Variants in PIKFYVE observed in about 807,000 individuals in gnomAD.
PIKFYVE encodes phosphoinositide kinase, FYVE-type zinc finger containing.
Under a neutral mutation model 257.9 loss-of-function variants are expected in PIKFYVE, and 122 were observed. The observed-to-expected ratio is 0.47, with a 90% CI of 0.41 to 0.55. PIKFYVE has a LOEUF of 0.55. PIKFYVE is among the 20% of genes least tolerant of loss of function. PIKFYVE has a pLI of 0.00. For synonymous variants in PIKFYVE, 892 were observed against 868.9 expected, an observed-to-expected ratio of 1.03 and a Z score of -0.47; for missense variants, 2,160 against 2,536.6, an observed-to-expected ratio of 0.85 and a Z score of 3.19.
At chr2:208,268,772 CCTTCCT>C (rs1229827794) in intron 1 of PIKFYVE, among the ~76,000 whole-genome samples, 3 of 151,744 alleles carry the variant, frequency 2.0e-5, no homozygotes, top group Non-Finnish European at 2.9e-5. Flanking sequence ...CTTTCCTTCC[CCTTCCT>C]CTTCCTCTTT....
intron 10 of PIKFYVE, 101 bp from the exon 11 acceptor site, chr2:208,304,070 G>T: frequency 7.3e-7 from 1 of 1,369,582 alleles, no homozygotes; most frequent in South Asian, 1.2e-5. Context: ...TCAATTGTTA[G>T]GTTCATAGAA....
chr2:208,272,141 A>C (rs1049495117), intron 2 of PIKFYVE, among the ~76,000 whole-genome samples: 5 of 152,078 alleles, frequency 3.3e-5, no homozygotes, highest in African/African-American at 9.7e-5. Context: ...AGGCTGAGGC[A>C]GGAGAATGGC....
chr2:208,349,697 T>G (rs1699590145), intron 35 of PIKFYVE, among the ~76,000 whole-genome samples: 1 of 151,962 alleles, frequency 6.6e-6, no homozygotes, highest in Non-Finnish European at 1.5e-5. Context: ...AAAATAGTCA[T>G]AATAAAGAAG....
At chr2:208,280,139 A>C (rs1017620045) in intron 5 of PIKFYVE, among the ~76,000 whole-genome samples, 1 of 152,178 alleles carries the variant, frequency 6.6e-6, no homozygotes, top group African/African-American at 2.4e-5. Context: ...CCTCAGGATA[A>C]AACCTTTCTT....
At chr2:208,297,272 T>TA (rs1693105120) in intron 7 of PIKFYVE, among the ~76,000 whole-genome samples, 1 of 152,176 alleles carries the variant, frequency 6.6e-6, no homozygotes, top group African/African-American at 2.4e-5. Flanking sequence ...GTTAAAATGA[T>TA]AGAGAAGTAG....
At chr2:208,350,990 A>G in intron 37 of PIKFYVE, 43 bp downstream of exon 37, 1 of 1,608,898 alleles carries the variant, frequency 6.2e-7, no homozygotes, top group Non-Finnish European at 8.5e-7. Flanking sequence ...AGTAGTCTTC[A>G]TCTCTTTACC....
chr2:208,329,371 T>G (rs575849771), intron 21 of PIKFYVE, among the ~76,000 whole-genome samples: 2 of 152,306 alleles, frequency 1.3e-5, no homozygotes, highest in Admixed American at 1.3e-4. Context: ...TTGAATAAGA[T>G]GTGGATTTCA....
At chr2:208,277,013 C>T (rs1466075586) in intron 4 of PIKFYVE, among the ~76,000 whole-genome samples, 183 bp downstream of exon 4, 2 of 152,184 alleles carry the variant, frequency 1.3e-5, no homozygotes, top group African/African-American at 2.4e-5. Context: ...GTTTTTTTCC[C>T]GTTATCCTTA....
chr2:208,347,639 A>G (rs527809250), intron 34 of PIKFYVE, among the ~76,000 whole-genome samples: 18 of 152,238 alleles, frequency 1.2e-4, no homozygotes, highest in African/African-American at 4.3e-4. Context: ...GTTTTTATTA[A>G]TAGGGGTTTT....
At position 208,266,644 on chromosome 2, in the gene PIKFYVE, G is replaced by A. The variant is rs2363463; in HGVS notation, c.-10+229G>A. On this transcript the variant is annotated intron_variant, in intron 1 of 41. Coordinates refer to ENST00000264380, the MANE Select transcript of PIKFYVE (RefSeq NM_015040.4). The stretch of plus-strand genomic sequence containing the variant: ...TGTCTGGCGAGTGGGGACGGAAGCC[G>A]GGTGGGGCCCTTGAGATTTCCTTGG... Among the ~76,000 whole-genome samples the A allele has an allele frequency of 0.96, 146,382 of 152,316 alleles. 70,489 individuals carry two copies. Among genetic ancestry groups the A allele is most frequent in the East Asian group, 1 (5,168 of 5,182 alleles).
intron 41 of PIKFYVE, 84 bp downstream of exon 41, chr2:208,354,729 T>C: frequency 9.1e-7 from 1 of 1,095,706 alleles, no homozygotes; most frequent in East Asian, 2.4e-5. Flanking sequence ...TTCTTTTTTT[T>C]AGTTGTAAAA....
chr2:208,290,864 C>T (rs1411175159), intron 7 of PIKFYVE, among the ~76,000 whole-genome samples: 1 of 152,154 alleles, frequency 6.6e-6, no homozygotes, highest in Non-Finnish European at 1.5e-5. Context: ...ATCTTGTATC[C>T]TGCCACCTTG....
At chr2:208,344,565 G>T (rs936053295) in intron 32 of PIKFYVE, among the ~76,000 whole-genome samples, 9 of 152,006 alleles carry the variant, frequency 5.9e-5, no homozygotes. Context: ...GATTCTAGCT[G>T]AGATCATCTT....
rs1480343829 is a variant in PIKFYVE, at chr2:208,325,399, C to G, written c.2588C>G (p.Ala863Gly). Reference sequence around the variant, plus strand: ...ATCCTAATATTTATGATCTGTGTTGCTTATCATTCTCAACTAGAAATATCC... The same window carrying G: ...ATCCTAATATTTATGATCTGTGTTGGTTATCATTCTCAACTAGAAATATCC... ...KEILIFMICV[A>G]YHSQLEISFL... Residue 863 changes from alanine (A) to glycine (G), a missense_variant, in exon 20 of 42, where the codon GCT (alanine) becomes GGT (glycine). Physicochemically the swap from Ala to Gly is moderately conservative, Grantham distance 60 (BLOSUM62 0). Transcript: ENST00000264380. 1.9e-6 allele frequency: 3 copies of G among 1,614,154 alleles called. No homozygotes were observed. The highest frequency in any genetic ancestry group is 2.5e-6 in the Non-Finnish European group (3 of 1,180,014).
chr2:208,333,655 A>G (rs1697807048), intron 24 of PIKFYVE, among the ~76,000 whole-genome samples, 162 bp downstream of exon 24: 1 of 152,158 alleles, frequency 6.6e-6, no homozygotes, highest in Non-Finnish European at 1.5e-5. Context: ...TTTCAGTATT[A>G]TTTTATTTAC....
At chr2:208,276,299 G>C (rs1431190275) in intron 3 of PIKFYVE, among the ~76,000 whole-genome samples, 2 of 152,170 alleles carry the variant, frequency 1.3e-5, no homozygotes, top group Admixed American at 6.5e-5. Flanking sequence ...TTGCTTACCT[G>C]TTTGACTTTA....
intron 7 of PIKFYVE, among the ~76,000 whole-genome samples, chr2:208,292,951 G>A (rs1692499566): frequency 6.6e-6 from 1 of 151,580 alleles, no homozygotes; most frequent in African/African-American, 2.4e-5. Context: ...TGCCGTATTT[G>A]TTACTGTTTT....
rs547242864 is a variant in PIKFYVE, at chr2:208,298,855, C to T, written c.1050+76C>T. On this transcript the variant is annotated intron_variant, in intron 8 of 41. Transcript: ENST00000264380. ...TTCATGTGACTGAGTCTTTTTTTTTCTTTTTGAGACACGGTCTTGGTGTGC... is the reference window on the plus strand; with the variant it reads ...TTCATGTGACTGAGTCTTTTTTTTTTTTTTTGAGACACGGTCTTGGTGTGC... 1.8e-4 allele frequency: 273 copies of T among 1,559,892 alleles called. 1 individual carries two copies. In the African/African-American group the frequency reaches 3.1e-3, roughly 18 times the overall value.
At chr2:208,276,339 T>G (rs939350970) in intron 3 of PIKFYVE, among the ~76,000 whole-genome samples, 1 of 152,332 alleles carries the variant, frequency 6.6e-6, no homozygotes, top group East Asian at 1.9e-4. Flanking sequence ...CCTCCTTGAT[T>G]GCTTTTTCTT....
Sources: gnomAD v4.1 joint callset for allele counts (sites outside exome capture counted in the v4.1 genomes callset) on GRCh38, gnomAD v4.1.1 for gene constraint, MANE v1.5 for transcripts, NCBI Gene and HGNC (gene_info 2026-07-23, HGNC 2026-07-21) for gene names.